Variants in PTPRM observed in about 807,000 individuals in gnomAD.
PTPRM encodes the protein receptor-type tyrosine-protein phosphatase mu.
Under a neutral mutation model 186.7 loss-of-function variants are expected in PTPRM, and 47 were observed. That is an observed-to-expected ratio of 0.25 (90% confidence interval 0.20 to 0.32). The LOEUF is 0.32. Ranked by LOEUF, PTPRM falls within the 10% of genes least tolerant of loss-of-function variation. The pLI is 1.00. For missense variants in PTPRM, 1,494 were observed against 1,865.0 expected (o/e 0.80, Z 3.66); for synonymous variants, 668 against 674.9 (o/e 0.99, Z 0.16).
chr18:8,306,516 C>T (rs1024412584), intron 20 of PTPRM, among the ~76,000 whole-genome samples: 1 of 152,210 alleles, frequency 6.6e-6, no homozygotes, highest in Non-Finnish European at 1.5e-5. Context: ...AACTACAGCT[C>T]AGGTCTTCTC....
chr18:7,660,617 A>G (rs1045498212), intron 1 of PTPRM, among the ~76,000 whole-genome samples: 1 of 152,108 alleles, frequency 6.6e-6, no homozygotes, highest in African/African-American at 2.4e-5. Flanking sequence ...TGTCCTGCTC[A>G]TGTTTTCCCT....
intron 29 of PTPRM, 102 bp from the exon 30 acceptor site, chr18:8,384,459 T>TAA: frequency 7.6e-7 from 1 of 1,323,906 alleles, no homozygotes; most frequent in Non-Finnish European, 1.1e-6. Flanking sequence ...CCCTATCTCT[T>TAA]AAAAAAAAAG....
intron 7 of PTPRM, among the ~76,000 whole-genome samples, chr18:8,037,237 C>G (rs567551759): frequency 1.7e-4 from 26 of 152,258 alleles, no homozygotes; most frequent in African/African-American, 5.3e-4. Context: ...ACACTTAATA[C>G]CTTCATTAGT....
chr18:7,802,854 A>G (rs2044042499), intron 2 of PTPRM, among the ~76,000 whole-genome samples: 1 of 152,216 alleles, frequency 6.6e-6, no homozygotes, highest in Admixed American at 6.5e-5. Flanking sequence ...GCTGTGTAGA[A>G]TATACTCAAA....
At chr18:7,948,248 A>G (rs772623160) in intron 5 of PTPRM, among the ~76,000 whole-genome samples, 59 of 151,456 alleles carry the variant, frequency 3.9e-4, no homozygotes, top group Non-Finnish European at 8.1e-4. Flanking sequence ...GGTGTGAGAA[A>G]CTTTATATAT....
chr18:8,023,381 A>G (rs975214749), intron 7 of PTPRM, among the ~76,000 whole-genome samples: 1 of 152,208 alleles, frequency 6.6e-6, no homozygotes, highest in Non-Finnish European at 1.5e-5. Flanking sequence ...CCATGTACCA[A>G]TATGGAGGAG....
intron 7 of PTPRM, among the ~76,000 whole-genome samples, chr18:8,021,181 C>A (rs2085196172): frequency 6.6e-6 from 1 of 152,130 alleles, no homozygotes; most frequent in Non-Finnish European, 1.5e-5. Flanking sequence ...TACTTGGCGA[C>A]AAGCCTTTCT....
At chr18:8,241,692 A>G (rs1025205686) in intron 14 of PTPRM, among the ~76,000 whole-genome samples, 9 of 152,152 alleles carry the variant, frequency 5.9e-5, no homozygotes, top group Admixed American at 3.9e-4. Context: ...TCCTCCACTT[A>G]TATTACTTGC....
At chr18:8,003,644 T>TA (rs1456848010) in intron 7 of PTPRM, among the ~76,000 whole-genome samples, 1 of 152,220 alleles carries the variant, frequency 6.6e-6, no homozygotes, top group Admixed American at 6.5e-5. Context: ...AATAAAGTCA[T>TA]AGCTGTGGCT....
chr18:7,957,424 A>C (rs990250676), intron 7 of PTPRM, among the ~76,000 whole-genome samples: 4 of 152,308 alleles, frequency 2.6e-5, no homozygotes, highest in African/African-American at 7.2e-5. Flanking sequence ...GTAGGCCCAC[A>C]CTGTGCCTCA....
At chr18:8,004,865 T>G (rs142993773) in intron 7 of PTPRM, among the ~76,000 whole-genome samples, 17 of 152,274 alleles carry the variant, frequency 1.1e-4, no homozygotes, top group African/African-American at 4.1e-4. Context: ...TTTGATTTCT[T>G]TTTTTATTTA....
chr18:8,344,717 G>A (rs866209316), intron 23 of PTPRM, among the ~76,000 whole-genome samples: 14 of 151,868 alleles, frequency 9.2e-5, no homozygotes, highest in African/African-American at 2.9e-4. Flanking sequence ...CTGGGCAGGG[G>A]GTTCTGTGTG....
chr18:8,270,836 G>A (rs551557284), intron 19 of PTPRM, among the ~76,000 whole-genome samples: 1 of 152,256 alleles, frequency 6.6e-6, no homozygotes, highest in African/African-American at 2.4e-5. Flanking sequence ...ATTGCCAGGG[G>A]ATGGGGGTTA....
chr18:8,123,961 TG>T, intron 13 of PTPRM, among the ~76,000 whole-genome samples: 1 of 152,336 alleles, frequency 6.6e-6, no homozygotes. Context: ...TGAAGCATGC[TG>T]TTTACTAGGA....
At chr18:8,101,974 C>T (rs567275062) in intron 11 of PTPRM, among the ~76,000 whole-genome samples, 5 of 152,300 alleles carry the variant, frequency 3.3e-5, no homozygotes, top group African/African-American at 1.2e-4. Context: ...AGTTCCAGAT[C>T]ACTGCAATAA....
In PTPRM at chr18:8,269,350, A is replaced by G. The variant is rs140356384; in HGVS notation, c.2754+15936A>G. Among the ~76,000 whole-genome samples, 808 of 152,064 alleles carry G rather than the reference A, an allele frequency of 5.3e-3. 8 individuals carry two copies. Among genetic ancestry groups the G allele is most frequent in the African/African-American group, 0.017 (718 of 41,564 alleles). ...ATTTAACCATGGATGTGAAAGATCT[A>G]TACACTGGAAACTAGAAAACATTTA... is the stretch of plus-strand genomic sequence containing the variant. On this transcript the variant is annotated intron_variant, in intron 19 of 32. Transcript: ENST00000580170.
intron 1 of PTPRM, among the ~76,000 whole-genome samples, chr18:7,743,064 T>C (rs2040914958): frequency 6.6e-6 from 1 of 152,144 alleles, no homozygotes; most frequent in Non-Finnish European, 1.5e-5. Flanking sequence ...CACCTAACCA[T>C]TAAAGGAGTC....
chr18:7,986,963 G>T (rs35608995), intron 7 of PTPRM, among the ~76,000 whole-genome samples: 1 of 152,034 alleles, frequency 6.6e-6, no homozygotes, highest in South Asian at 2.1e-4. Context: ...AGCAAGCCAA[G>T]GAGACAGATC....
intron 2 of PTPRM, among the ~76,000 whole-genome samples, chr18:7,856,276 C>T (rs1278611293): frequency 6.6e-6 from 1 of 152,114 alleles, no homozygotes; most frequent in African/African-American, 2.4e-5. Flanking sequence ...GATTTATAAA[C>T]AAGGCATAGT....
Sources: allele counts gnomAD v4.1 joint callset (sites outside exome capture counted in the v4.1 genomes callset), GRCh38; gene constraint gnomAD v4.1.1; transcripts MANE v1.5; gene names NCBI Gene and HGNC (gene_info 2026-07-23, HGNC 2026-07-21).